The following GSN variants were observed in gnomAD, a reference collection of about 807,000 sequenced individuals.
GSN encodes gelsolin, also known as actin-depolymerizing factor.
GSN carries 56 observed loss-of-function variants against 85.7 expected under a neutral mutation model. The observed-to-expected ratio is 0.65, with a 90% CI of 0.53 to 0.82. The LOEUF (loss-of-function observed/expected upper bound fraction) is 0.82. GSN is among the 40% of genes least tolerant of loss of function. GSN has a pLI of 0.00. For synonymous variants in GSN, 373 were observed against 399.1 expected (o/e 0.93, Z 0.78); for missense variants, 857 against 979.8 (o/e 0.87, Z 1.67).
At chr9:121,207,143 A>T (rs2053894939), upstream of GSN, among the ~76,000 whole-genome samples, 1 of 152,224 alleles carries the variant, frequency 6.6e-6, no homozygotes, top group African/African-American at 2.4e-5. Context: ...GTGATGTAAC[A>T]CAACTGAATT....
At chr9:121,221,669 T>C (rs2054172730) in intron 4 of GSN, among the ~76,000 whole-genome samples, 1 of 152,184 alleles carries the variant, frequency 6.6e-6, no homozygotes, top group South Asian at 2.1e-4. Flanking sequence ...TCTTCAGGCC[T>C]GTTTTCCCAT....
intron 12 of GSN, 62 bp from the exon 13 acceptor site, chr9:121,326,450 G>A (rs985989816): frequency 1.3e-5 from 18 of 1,378,464 alleles, no homozygotes; most frequent in African/African-American, 5.7e-5. Flanking sequence ...GGCCCAGTGC[G>A]ACATAGAAGG....
intron 5 of GSN, among the ~76,000 whole-genome samples, chr9:121,242,453 A>T (rs974849319): frequency 6.6e-6 from 1 of 151,008 alleles, no homozygotes; most frequent in Non-Finnish European, 1.5e-5. Flanking sequence ...GTCCTCTGGA[A>T]AAAGGGGGAT....
chr9:121,237,452 C>T (rs1378655971), intron 5 of GSN, among the ~76,000 whole-genome samples: 1 of 152,162 alleles, frequency 6.6e-6, no homozygotes, highest in Admixed American at 6.5e-5. Flanking sequence ...GTAGTCCCAG[C>T]TACTTGGGAG....
At chr9:121,286,123 A>G (rs994775972) in intron 2 of GSN, 8 of 1,535,622 alleles carry the variant, frequency 5.2e-6, no homozygotes, top group Non-Finnish European at 7.0e-6. Context: ...AGAGGCCCAC[A>G]TAGCTCCCCC....
At chr9:121,288,171 T>G (rs1415158670) in intron 2 of GSN, among the ~76,000 whole-genome samples, 1 of 152,076 alleles carries the variant, frequency 6.6e-6, no homozygotes, top group Non-Finnish European at 1.5e-5. Context: ...AATGGATTCC[T>G]CCCGCCTCAG....
At chr9:121,201,826 T>A in the GSN span, 2 of 152,464 alleles carry the variant, frequency 1.3e-5, no homozygotes, top group South Asian at 2.1e-4. Context: ...CAGCGGTGAC[T>A]GCTCCTGTGC....
intron 4 of GSN, among the ~76,000 whole-genome samples, chr9:121,217,312 G>A (rs1392091162): frequency 3.3e-5 from 5 of 151,178 alleles, no homozygotes; most frequent in Admixed American, 3.3e-4. Context: ...ATTGCAGTGA[G>A]CCAAGATCGC....
At chr9:121,253,054 G>C (rs1002543411) in intron 6 of GSN, among the ~76,000 whole-genome samples, 1 of 152,198 alleles carries the variant, frequency 6.6e-6, no homozygotes, top group African/African-American at 2.4e-5. Context: ...CAGACTACCA[G>C]CTTCCATTGT....
At chr9:121,223,324 G>T (rs910856402) in intron 4 of GSN, among the ~76,000 whole-genome samples, 1 of 151,744 alleles carries the variant, frequency 6.6e-6, no homozygotes, top group South Asian at 2.1e-4. Context: ...TCCCTCTCCT[G>T]CCCTGCTCAT....
At chr9:121,273,610 A>G (rs1468092979) in intron 1 of GSN, among the ~76,000 whole-genome samples, 1 of 152,194 alleles carries the variant, frequency 6.6e-6, no homozygotes, top group Non-Finnish European at 1.5e-5. Flanking sequence ...TGATATTTTC[A>G]GTGCATTTTT....
chr9:121,266,625 C>G (rs534231887), upstream of GSN, among the ~76,000 whole-genome samples: 7 of 152,294 alleles, frequency 4.6e-5, no homozygotes, highest in South Asian at 1.4e-3. Context: ...GCCAAGGACT[C>G]AGGCATAGAA....
At chr9:121,228,420 ATATATTTTTTTT>A (rs1369212784) in intron 4 of GSN, among the ~76,000 whole-genome samples, 2 of 56,976 alleles carry the variant, frequency 3.5e-5, no homozygotes, top group Non-Finnish European at 5.9e-5. Flanking sequence ...ATATATATAT[ATATATTTTTTTT>A]TTTTTTTTTT....
intron 5 of GSN, among the ~76,000 whole-genome samples, chr9:121,235,560 C>T (rs2054476256): frequency 6.6e-6 from 1 of 152,184 alleles, no homozygotes; most frequent in Non-Finnish European, 1.5e-5. Flanking sequence ...CTAGAGTAGC[C>T]TATTTCCCCT....
intron 1 of GSN, among the ~76,000 whole-genome samples, chr9:121,277,429 TCACACTTTCAGTTG>T (rs530398800): frequency 9.0e-4 from 137 of 152,338 alleles, no homozygotes; most frequent in African/African-American, 3.2e-3. Context: ...GGTCCAGGGA[TCACACTTTCAGTTG>T]CAAGATTTGA....
At position 121,319,844 on chromosome 9, in the gene GSN, G is replaced by A. The variant is rs2062187611; in HGVS notation, c.1191+964G>A. Among the ~76,000 whole-genome samples the A allele has an allele frequency of 1.3e-5, 2 of 152,184 alleles. 1 individual carries two copies. The highest frequency in any genetic ancestry group is 4.1e-4 in the South Asian group (2 of 4,832). On this transcript the variant is annotated intron_variant, in intron 10 of 17. Coordinates refer to ENST00000432226, the MANE Select transcript of GSN (RefSeq NM_198252.3). ...AGACTAAGAAGGTCACAGTGGAGAA[G>A]GGGAAGAGGGGTGTGGGGTTCAGAG...
At chr9:121,232,813 T>G (rs534820394) in intron 5 of GSN, among the ~76,000 whole-genome samples, 12 of 152,204 alleles carry the variant, frequency 7.9e-5, no homozygotes, top group Non-Finnish European at 1.6e-4. Context: ...AAGTAGAGAC[T>G]CATGGGTACT....
chr9:121,317,056 G>A lies in GSN; in HGVS notation c.754-30G>A, dbSNP rs760225182. Reference sequence around the variant, plus strand: ...GGGCTGGGCGGCCACAGACACTCATGTGCTGGTTCCTTCTGCTTCGTCCCC... The same window carrying A: ...GGGCTGGGCGGCCACAGACACTCATATGCTGGTTCCTTCTGCTTCGTCCCC... On this transcript the variant is annotated intron_variant, in intron 7 of 17. Transcript: ENST00000432226. 3.7e-6 allele frequency: 6 copies of A among 1,613,894 alleles called. No homozygotes were observed. In the South Asian group the frequency reaches 5.5e-5, roughly 15 times the overall value.
At chr9:121,289,530 C>T (rs1195455424) in intron 2 of GSN, among the ~76,000 whole-genome samples, 1 of 152,196 alleles carries the variant, frequency 6.6e-6, no homozygotes, top group East Asian at 1.9e-4. Context: ...AGATTGCTAA[C>T]AGCTGCTGTA....
Sources: allele counts gnomAD v4.1 joint callset (sites outside exome capture counted in the v4.1 genomes callset), GRCh38; gene constraint gnomAD v4.1.1; transcripts MANE v1.5; gene names NCBI Gene and HGNC (gene_info 2026-07-23, HGNC 2026-07-21).